BAZ2B: variants seen among roughly 807,000 people sequenced by gnomAD.
BAZ2B encodes bromodomain adjacent to zinc finger domain 2B, also known as bromodomain adjacent to zinc finger domain protein 2B.
Under a neutral mutation model 246.0 loss-of-function variants are expected in BAZ2B, and 91 were observed. The observed-to-expected ratio is 0.37, with a 90% CI of 0.31 to 0.44. The LOEUF (loss-of-function observed/expected upper bound fraction) is 0.44. Ranked by LOEUF, BAZ2B falls within the 20% of genes least tolerant of loss-of-function variation. The pLI is 1.00. For missense variants in BAZ2B, 2,332 were observed against 2,533.7 expected, an observed-to-expected ratio of 0.92 and a Z score of 1.71; for synonymous variants, 855 against 860.0, an observed-to-expected ratio of 0.99 and a Z score of 0.10.
rs1158342759 is a variant in BAZ2B, at chr2:159,349,266, T to G, written c.4878A>C (p.Val1626=). 1 of 1,602,534 alleles carries G rather than the reference T, an allele frequency of 6.2e-7. No homozygotes were observed. The highest frequency in any genetic ancestry group is 8.5e-7 in the Non-Finnish European group (1 of 1,172,766). The change falls in exon 29 of 37, where the codon GTA becomes GTC. Residue 1626 remains valine (V), a synonymous_variant. Coordinates refer to ENST00000392783, the MANE Select transcript of BAZ2B (RefSeq NM_013450.4). ...CACAAAACTGAAGTCCCATCATAGA[T>G]ACTCCACCTTTCACCTGCAAAAAGA... The part of the protein sequence containing the change: ...ALSPLQVKGG[V]SMMGLQFCGW...
At chr2:159,698,544 A>C in the BAZ2B span, among the ~76,000 whole-genome samples, 322 of 147,224 alleles carry the variant, frequency 2.2e-3, 5 homozygotes, top group African/African-American at 7.1e-3. Context: ...AAAACAAAGA[A>C]AAAGAGAATG....
chr2:159,486,811 T>C (rs1433850228), intron 2 of BAZ2B, among the ~76,000 whole-genome samples: 1 of 152,014 alleles, frequency 6.6e-6, no homozygotes, highest in Non-Finnish European at 1.5e-5. Flanking sequence ...TAAATTAGAT[T>C]TTAAAAATCT....
chr2:159,318,076 T>C (rs116335515), downstream of BAZ2B, among the ~76,000 whole-genome samples: 195 of 152,330 alleles, frequency 1.3e-3, no homozygotes, highest in East Asian at 3.9e-3. Flanking sequence ...TTCTTATTTA[T>C]GAGCCCCTGA....
chr2:159,325,090 TATTA>T (rs2063404089), intron 35 of BAZ2B, 136 bp from the exon 36 acceptor site: 1 of 1,920 alleles, frequency 5.2e-4, no homozygotes, highest in African/African-American at 1.8e-3. Flanking sequence ...TATATATATA[TATTA>T]TATATATATA....
In BAZ2B at chr2:159,428,160, T is replaced by C. The variant is rs935938060; in HGVS notation, c.2365-118A>G. On this transcript the variant is annotated intron_variant, in intron 12 of 36. Coordinates refer to ENST00000392783, the MANE Select transcript of BAZ2B (RefSeq NM_013450.4). ...ATTCTATCAAGGGGCTCTAAATTTA[T>C]AGGAGATCAATTTAGGTTAAGTACA... 9.8e-6 allele frequency: 11 copies of C among 1,118,792 alleles called. No individual in the cohort carries two copies. In the South Asian group the frequency reaches 1.5e-4, roughly 15 times the overall value. The allele number at this position is 1,118,792 out of a possible 1,614,324, so 69.3% of individuals were successfully genotyped here.
chr2:159,703,961 G>C, the BAZ2B span, among the ~76,000 whole-genome samples: 1 of 152,128 alleles, frequency 6.6e-6, no homozygotes, highest in African/African-American at 2.4e-5. Flanking sequence ...ACATGCTTAT[G>C]TGCCATGCTA....
At chr2:159,633,697 C>T in the BAZ2B span, among the ~76,000 whole-genome samples, 2 of 151,312 alleles carry the variant, frequency 1.3e-5, no homozygotes, top group Admixed American at 6.6e-5. Flanking sequence ...GGTTGGAAAC[C>T]AGAGTTTTTA....
chr2:159,456,517 G>T (rs1252542915), intron 3 of BAZ2B, among the ~76,000 whole-genome samples: 1 of 151,984 alleles, frequency 6.6e-6, no homozygotes, highest in African/African-American at 2.4e-5. Context: ...AACTCTAAAA[G>T]GAATGACATG....
At chr2:159,645,807 CA>C in the BAZ2B span, among the ~76,000 whole-genome samples, 2 of 152,074 alleles carry the variant, frequency 1.3e-5, no homozygotes, top group Non-Finnish European at 2.9e-5. Context: ...GCTGTAAAAC[CA>C]GCAAGTTTTT....
intron 13 of BAZ2B, among the ~76,000 whole-genome samples, chr2:159,420,829 T>C (rs897466514): frequency 6.6e-6 from 1 of 152,200 alleles, no homozygotes; most frequent in Admixed American, 6.5e-5. Flanking sequence ...ATGCCATTTA[T>C]TCAACAATTT....
chr2:159,330,339 A>C (rs1428751523), intron 34 of BAZ2B, among the ~76,000 whole-genome samples: 3 of 152,200 alleles, frequency 2.0e-5, no homozygotes, highest in African/African-American at 7.2e-5. Flanking sequence ...AAATCGATGA[A>C]GATTTGAGAA....
intron 2 of BAZ2B, among the ~76,000 whole-genome samples, chr2:159,538,670 G>A (rs1040801144): frequency 1.3e-5 from 2 of 152,234 alleles, no homozygotes; most frequent in African/African-American, 2.4e-5. Flanking sequence ...AGGACCAACA[G>A]AGGACATTAT....
intron 3 of BAZ2B, among the ~76,000 whole-genome samples, chr2:159,469,123 G>C (rs1015694116): frequency 3.6e-4 from 53 of 146,264 alleles, no homozygotes; most frequent in Middle Eastern, 3.5e-3. Context: ...TAATTAATGA[G>C]AGAAAAAAAA....
intron 27 of BAZ2B, among the ~76,000 whole-genome samples, chr2:159,367,957 C>CTT: frequency 6.6e-6 from 1 of 151,978 alleles, no homozygotes; most frequent in East Asian, 1.9e-4. Flanking sequence ...CTTTCAGCAC[C>CTT]CATTTATTTA....
At chr2:159,658,531 T>C in the BAZ2B span, among the ~76,000 whole-genome samples, 1 of 152,068 alleles carries the variant, frequency 6.6e-6, no homozygotes, top group African/African-American at 2.4e-5. Context: ...ATTTATACTT[T>C]TTTGGAGACA....
chr2:159,513,420 T>C (rs1267045711), intron 2 of BAZ2B, among the ~76,000 whole-genome samples: 1 of 152,162 alleles, frequency 6.6e-6, no homozygotes, highest in Non-Finnish European at 1.5e-5. Context: ...TCAATTTGGG[T>C]TGTACCCACT....
intron 1 of BAZ2B, among the ~76,000 whole-genome samples, chr2:159,582,630 C>A (rs910882299): frequency 6.6e-6 from 1 of 152,066 alleles, no homozygotes; most frequent in East Asian, 1.9e-4. Flanking sequence ...AGTGATCAGC[C>A]CACCTCAGCC....
Position 159,327,327 on chromosome 2 carries a change from C to T in BAZ2B, c.5944-1409G>A, listed in dbSNP as rs2063857163. Among the ~76,000 whole-genome samples, 5 of 152,146 alleles carry T rather than the reference C, an allele frequency of 3.3e-5. No homozygotes were observed. In the South Asian group the frequency reaches 6.2e-4, roughly 19 times the overall value. On this transcript the variant is annotated intron_variant, in intron 34 of 36. Transcript: ENST00000392783. ...CCTGCCAGTACCTTACTTAAAAATG[C>T]TCTTAAGCAGTTAAAATTATTTGTT...
At chr2:159,373,933 T>C (rs2061124883) in intron 26 of BAZ2B, among the ~76,000 whole-genome samples, 1 of 152,204 alleles carries the variant, frequency 6.6e-6, no homozygotes, top group African/African-American at 2.4e-5. Context: ...AATTAAGTTT[T>C]GGGATAGGTC....
Sources: gnomAD v4.1 joint callset for allele counts (sites outside exome capture counted in the v4.1 genomes callset) on GRCh38, gnomAD v4.1.1 for gene constraint, MANE v1.5 for transcripts, NCBI Gene and HGNC (gene_info 2026-07-23, HGNC 2026-07-21) for gene names.